PIK3C2G: variants seen among roughly 807,000 people sequenced by gnomAD.
The protein encoded by PIK3C2G is phosphatidylinositol 3-kinase C2 domain-containing subunit gamma.
In PIK3C2G, 168 loss-of-function variants were observed where a neutral mutation model predicts 181.1. The observed-to-expected ratio is 0.93, with a 90% CI of 0.82 to 1.05. The LOEUF (loss-of-function observed/expected upper bound fraction) is 1.05. Ranked by LOEUF, PIK3C2G falls within the 50% of genes least tolerant of loss-of-function variation. The probability of loss-of-function intolerance (pLI) is 0.00; values close to 1 mark genes in which losing one functional copy is unlikely to be tolerated. For missense variants in PIK3C2G, 1,869 were observed against 1,732.8 expected (o/e 1.08, Z -1.40); for synonymous variants, 573 against 592.2 (o/e 0.97, Z 0.47).
intron 29 of PIK3C2G, among the ~76,000 whole-genome samples, chr12:18,583,831 C>T (rs192748523): frequency 2.0e-5 from 3 of 151,778 alleles, no homozygotes; most frequent in South Asian, 2.1e-4. Flanking sequence ...CTCCAAATGA[C>T]TGCACTAGTT....
At position 18,420,471 on chromosome 12, in the gene PIK3C2G, T is replaced by G. The variant is rs78171632; in HGVS notation, c.2316-470T>G. Among the ~76,000 whole-genome samples, 4 of 152,146 alleles carry G rather than the reference T, an allele frequency of 2.6e-5. No individual in the cohort carries two copies. In the East Asian group the frequency reaches 5.8e-4, roughly 22 times the overall value. On this transcript the variant is annotated intron_variant, in intron 16 of 32. Coordinates refer to ENST00000538779, the MANE Select transcript of PIK3C2G (RefSeq NM_001288772.2). ...GTAAGATTTAGCTGTATTAAATTAT[T>G]TTTGTTTATTTATTCTAAAGAACTT...
At chr12:18,318,659 C>T (rs890620948) in intron 6 of PIK3C2G, among the ~76,000 whole-genome samples, 1 of 151,794 alleles carries the variant, frequency 6.6e-6, no homozygotes, top group African/African-American at 2.4e-5. Context: ...ACCATTACCT[C>T]GCAGTAGATA....
chr12:18,336,476 A>G (rs1253285649), intron 8 of PIK3C2G, among the ~76,000 whole-genome samples: 1 of 152,172 alleles, frequency 6.6e-6, no homozygotes, highest in Non-Finnish European at 1.5e-5. Context: ...TACCCAAACT[A>G]AACTCCAGTT....
At chr12:18,563,568 T>C in intron 28 of PIK3C2G, 70 bp downstream of exon 28, 1 of 1,446,244 alleles carries the variant, frequency 6.9e-7, no homozygotes, top group Non-Finnish European at 9.6e-7. Context: ...AAATTATGGT[T>C]ATGGGATTTT....
intron 25 of PIK3C2G, among the ~76,000 whole-genome samples, chr12:18,539,846 T>C (rs1944056900): frequency 6.6e-6 from 1 of 151,936 alleles, no homozygotes; most frequent in Non-Finnish European, 1.5e-5. Context: ...GTAAAGTGGA[T>C]ATATAAAGTT....
chr12:18,587,826 G>A (rs1372037442), intron 29 of PIK3C2G, among the ~76,000 whole-genome samples: 6 of 151,616 alleles, frequency 4.0e-5, no homozygotes, highest in African/African-American at 1.5e-4. Context: ...AAAACTGGAG[G>A]CATCATGTTA....
At chr12:18,290,391 C>A (rs1949641246) in intron 3 of PIK3C2G, among the ~76,000 whole-genome samples, 1 of 151,950 alleles carries the variant, frequency 6.6e-6, no homozygotes, top group Admixed American at 6.6e-5. Context: ...AATGGAGAGA[C>A]AAAAATAGTG....
chr12:18,268,871 T>C (rs144797820), intron 1 of PIK3C2G, among the ~76,000 whole-genome samples: 35 of 152,278 alleles, frequency 2.3e-4, no homozygotes, highest in East Asian at 7.7e-4. Context: ...AAATATATCA[T>C]TCACCATAAC....
intron 16 of PIK3C2G, among the ~76,000 whole-genome samples, chr12:18,418,621 A>T (rs890192748): frequency 2.0e-5 from 3 of 152,170 alleles, no homozygotes; most frequent in African/African-American, 7.2e-5. Flanking sequence ...CCTAGAGTAG[A>T]CAGCAGCAGA....
At chr12:18,598,444 A>C (rs921217449) in intron 30 of PIK3C2G, among the ~76,000 whole-genome samples, 6 of 151,724 alleles carry the variant, frequency 4.0e-5, no homozygotes, top group East Asian at 3.9e-4. Context: ...CTGGCTAGCC[A>C]TATGTAGAAA....
chr12:18,344,864 T>A (rs1294800564), intron 10 of PIK3C2G, among the ~76,000 whole-genome samples: 2 of 152,160 alleles, frequency 1.3e-5, no homozygotes, highest in Admixed American at 6.6e-5. Context: ...TGATGTTATT[T>A]GAAATGTAGT....
chr12:18,613,439 A>G (rs894840427), intron 31 of PIK3C2G, among the ~76,000 whole-genome samples: 3 of 152,074 alleles, frequency 2.0e-5, no homozygotes, highest in Non-Finnish European at 1.5e-5. Context: ...CATGAGAGAG[A>G]GAGAAGTAGA....
At chr12:18,566,740 G>A (rs1388648271) in intron 28 of PIK3C2G, among the ~76,000 whole-genome samples, 1 of 152,176 alleles carries the variant, frequency 6.6e-6, no homozygotes, top group Admixed American at 6.5e-5. Flanking sequence ...ATTAAATTAA[G>A]TTAGTATTAA....
At chr12:18,559,807 TATATATATATATATAGAG>T (rs1433453496) in intron 26 of PIK3C2G, among the ~76,000 whole-genome samples, 39 of 41,802 alleles carry the variant, frequency 9.3e-4, no homozygotes, top group African/African-American at 1.9e-3. Context: ...TATATATATA[TATATATATATATATAGAG>T]AGAGAGAGAG....
chr12:18,299,170 G>A (rs954137375), intron 5 of PIK3C2G, among the ~76,000 whole-genome samples: 6 of 151,880 alleles, frequency 4.0e-5, no homozygotes, highest in Non-Finnish European at 8.8e-5. Context: ...TCTGATACAC[G>A]AGCATGGGAT....
In PIK3C2G at chr12:18,546,374, G is replaced by T. The variant is rs767496526; in HGVS notation, c.3532G>T (p.Val1178Leu). The T allele has an allele frequency of 1.2e-6, 2 of 1,602,176 alleles. No individual in the cohort carries two copies. The highest frequency in any genetic ancestry group is 1.7e-6 in the Non-Finnish European group (2 of 1,173,560). ...AAGTGGAATTCAAGACCTGAAATATGTGTATAATAATCTTCGTCCACAAGA... is the reference window on the plus strand; with the variant it reads ...AAGTGGAATTCAAGACCTGAAATATTTGTATAATAATCTTCGTCCACAAGA... ...ELSGIQDLKYVYNNLRPQDTD... is the reference protein window; with the variant it reads ...ELSGIQDLKYLYNNLRPQDTD... The change falls in exon 26 of 33, where the codon GTG becomes TTG. Residue 1178 changes from valine to leucine, a missense_variant. By Grantham distance (32) the Val-to-Leu change is conservative (BLOSUM62 1). Coordinates refer to ENST00000538779, the MANE Select transcript of PIK3C2G (RefSeq NM_001288772.2).
chr12:18,469,205 C>G lies in PIK3C2G; in HGVS notation c.2505-19244C>G, dbSNP rs182451584. Among the ~76,000 whole-genome samples the G allele has an allele frequency of 7.1e-3, 1,073 of 152,146 alleles. 6 individuals are homozygous for G. The highest frequency in any genetic ancestry group is 0.019 in the African/African-American group (788 of 41,556). ...TGTGACTGGCAGCTCCTCTGTCACC[C>G]TCAATCTCTAAACTATTGCTTCTAA... On this transcript the variant is annotated intron_variant, in intron 18 of 32. Coordinates refer to ENST00000538779, the MANE Select transcript of PIK3C2G (RefSeq NM_001288772.2).
At chr12:18,442,196 T>C (rs890667905) in intron 18 of PIK3C2G, among the ~76,000 whole-genome samples, 3 of 140,274 alleles carry the variant, frequency 2.1e-5, no homozygotes, top group Non-Finnish European at 4.6e-5. Context: ...ATAATCACTA[T>C]AGCTTTTCTC....
intron 12 of PIK3C2G, among the ~76,000 whole-genome samples, chr12:18,367,778 G>A (rs1460238796): frequency 6.6e-6 from 1 of 151,858 alleles, no homozygotes; most frequent in African/African-American, 2.4e-5. Context: ...GGCTGGTCTC[G>A]AACTCCTGAC....
Sources: allele counts gnomAD v4.1 joint callset (sites outside exome capture counted in the v4.1 genomes callset), GRCh38; gene constraint gnomAD v4.1.1; transcripts MANE v1.5; gene names NCBI Gene and HGNC (gene_info 2026-07-23, HGNC 2026-07-21).